NPLOC4: variants seen among roughly 807,000 people sequenced by gnomAD.
The protein encoded by NPLOC4 is nuclear protein localization protein 4 homolog.
Under a neutral mutation model 80.6 loss-of-function variants are expected in NPLOC4, and 18 were observed. The observed-to-expected ratio is 0.22, with a 90% CI of 0.15 to 0.33. The LOEUF (loss-of-function observed/expected upper bound fraction) is 0.33, where lower values mean the gene tolerates loss of function less well. Among genes scored for constraint, NPLOC4 ranks in the 10% least tolerant of loss-of-function variants. NPLOC4 has a pLI of 1.00. For synonymous variants in NPLOC4, 313 were observed against 301.5 expected, an observed-to-expected ratio of 1.04 and a Z score of -0.39; for missense variants, 540 against 786.1, an observed-to-expected ratio of 0.69 and a Z score of 3.74.
chr17:81,558,990 G>T lies in NPLOC4; in HGVS notation c.*269C>A, dbSNP rs572818092. 18 of 401,782 alleles carry T rather than the reference G, an allele frequency of 4.5e-5. No homozygotes were observed. In the Admixed American group the frequency reaches 7.3e-4, roughly 16 times the overall value. The allele number at this position is 401,782 out of a possible 1,614,324, so 24.9% of individuals were successfully genotyped here. A position where few individuals can be genotyped will look rare whatever the true frequency, so the allele number is the denominator to read the frequency against. ...GAGAGGTCTTTCCAACACGGCGGGG[G>T]ACTTGTCAACAGGATTAGGCGTGAG... On this transcript the variant is annotated 3_prime_UTR_variant, in exon 17 of 17. Transcript: ENST00000331134.
At chr17:81,619,420 A>T (rs1312059290) in intron 3 of NPLOC4, among the ~76,000 whole-genome samples, 4 of 150,350 alleles carry the variant, frequency 2.7e-5, no homozygotes, top group Non-Finnish European at 4.4e-5. Flanking sequence ...GTGGTGGCAC[A>T]TGCCTGTAAT....
At chr17:81,619,498 TGA>T (rs2035603977) in intron 3 of NPLOC4, among the ~76,000 whole-genome samples, 1 of 142,858 alleles carries the variant, frequency 7.0e-6, no homozygotes, top group Admixed American at 7.4e-5. Context: ...TGTGGTGAGC[TGA>T]GACCATGCCA....
intron 8 of NPLOC4, among the ~76,000 whole-genome samples, 191 bp downstream of exon 8, chr17:81,604,357 G>A (rs78404437): frequency 1.7e-3 from 259 of 152,124 alleles, no homozygotes; most frequent in African/African-American, 5.9e-3. Flanking sequence ...CTTATCCTTA[G>A]TAACATACAC....
chr17:81,583,739 C>A (rs2034501683), intron 12 of NPLOC4, among the ~76,000 whole-genome samples: 1 of 152,210 alleles, frequency 6.6e-6, no homozygotes, highest in Admixed American at 6.5e-5. Context: ...CTCTTACTGG[C>A]TGCATATGGG....
At chr17:81,596,283 T>G (rs749902370) in intron 10 of NPLOC4, 41 bp from the exon 11 acceptor site, 1 of 1,584,448 alleles carries the variant, frequency 6.3e-7, no homozygotes, top group Non-Finnish European at 8.6e-7. Context: ...TACAGCATCA[T>G]GCCAAAATAT....
chr17:81,584,808 C>G (rs971795616), intron 12 of NPLOC4, among the ~76,000 whole-genome samples: 3 of 152,116 alleles, frequency 2.0e-5, no homozygotes, highest in Non-Finnish European at 4.4e-5. Context: ...CTAGGAATAA[C>G]CTAACAAATG....
intron 7 of NPLOC4, among the ~76,000 whole-genome samples, chr17:81,606,232 G>A (rs1209601331): frequency 1.3e-5 from 2 of 152,164 alleles, no homozygotes; most frequent in Non-Finnish European, 2.9e-5. Flanking sequence ...TAAGGGCACA[G>A]CGGCAGGAGG....
At chr17:81,631,523 C>G (rs906729689) in intron 1 of NPLOC4, among the ~76,000 whole-genome samples, 9 of 145,460 alleles carry the variant, frequency 6.2e-5, no homozygotes, top group African/African-American at 1.0e-4. Context: ...AAGGGCATTA[C>G]TTTCTAAGAC....
intron 5 of NPLOC4, 73 bp from the exon 6 acceptor site, chr17:81,608,895 C>T (rs767219818): frequency 2.5e-6 from 3 of 1,219,238 alleles, no homozygotes; most frequent in Non-Finnish European, 3.5e-6. Context: ...CTCTGCTACG[C>T]ACAGGGGGAG....
intron 1 of NPLOC4, among the ~76,000 whole-genome samples, chr17:81,635,441 A>G (rs2036041805): frequency 6.6e-6 from 1 of 151,804 alleles, no homozygotes; most frequent in South Asian, 2.1e-4. Flanking sequence ...AGGTTGGGAA[A>G]CATGGAGGCA....
chr17:81,578,241 GCATGCTGTGCTCTCCAGGTA>G (rs1476066112), intron 12 of NPLOC4, among the ~76,000 whole-genome samples: 1 of 152,176 alleles, frequency 6.6e-6, no homozygotes, highest in Non-Finnish European at 1.5e-5. Context: ...CCCGCCGGGT[GCATGCTGTGCTCTCCAGGTA>G]CATAGCTTCA....
At position 81,636,985 on chromosome 17, in the gene NPLOC4, C is replaced by A; in HGVS notation, c.-55G>T. 8.4e-7 allele frequency: 1 copy of A among 1,183,848 alleles called. No individual in the cohort carries two copies. The highest frequency in any genetic ancestry group is 1.1e-6 in the Non-Finnish European group (1 of 940,716). The allele number at this position is 1,183,848 out of a possible 1,614,324, so 73.3% of individuals were successfully genotyped here. A position where few individuals can be genotyped will look rare whatever the true frequency, so the allele number is the denominator to read the frequency against. Reference sequence around the variant, plus strand: ...CCCGGGCCGCCGCCGCCTGCCGCCCCAAGGGCCTCGCAGACCCGGCCGCGG... The same window carrying A: ...CCCGGGCCGCCGCCGCCTGCCGCCCAAAGGGCCTCGCAGACCCGGCCGCGG... On this transcript the variant is annotated 5_prime_UTR_variant, in exon 1 of 17. Coordinates refer to ENST00000331134, the MANE Select transcript of NPLOC4 (RefSeq NM_017921.4).
chr17:81,592,039 T>C (rs1271180121), intron 11 of NPLOC4, among the ~76,000 whole-genome samples: 3 of 152,146 alleles, frequency 2.0e-5, no homozygotes, highest in Non-Finnish European at 4.4e-5. Flanking sequence ...TCTTATACTC[T>C]GAAGCCTCAT....
chr17:81,579,394 C>T (rs1040753534), intron 12 of NPLOC4, among the ~76,000 whole-genome samples: 2 of 152,080 alleles, frequency 1.3e-5, no homozygotes, highest in African/African-American at 2.4e-5. Context: ...AAATAGACTT[C>T]GAGCTGTCTG....
chr17:81,560,283 G>C (rs1371128638), intron 16 of NPLOC4, among the ~76,000 whole-genome samples: 2 of 151,998 alleles, frequency 1.3e-5, no homozygotes, highest in Admixed American at 1.3e-4. Flanking sequence ...CGTGGTGGTA[G>C]ACACCTGCCG....
intron 16 of NPLOC4, 70 bp from the exon 17 acceptor site, chr17:81,559,486 G>A (rs766562337): frequency 1.3e-5 from 19 of 1,489,776 alleles, no homozygotes; most frequent in South Asian, 3.9e-5. Context: ...TGTGGGCATG[G>A]GGGCAGGGGC....
At chr17:81,612,297 G>A (rs771834639) in intron 4 of NPLOC4, among the ~76,000 whole-genome samples, 8 of 152,124 alleles carry the variant, frequency 5.3e-5, no homozygotes, top group Non-Finnish European at 1.0e-4. Flanking sequence ...CGGAACAGAG[G>A]TGGCCTCTGT....
At chr17:81,574,385 G>C (rs1329964617) in intron 12 of NPLOC4, among the ~76,000 whole-genome samples, 2 of 152,062 alleles carry the variant, frequency 1.3e-5, no homozygotes, top group Admixed American at 1.3e-4. Context: ...TTTCCTCCCT[G>C]GGGAAACAGG....
Position 81,596,212 on chromosome 17 carries a change from T to A in NPLOC4, c.1024A>T (p.Ile342Phe). Residue 342 changes from isoleucine to phenylalanine, a missense_variant, in exon 11 of 17, where the codon ATC becomes TTC. Ile to Phe is a conservative substitution (Grantham distance 21). This residue lies in a region of NPLOC4 where 251 missense variants were observed against 377.5 expected (regional missense o/e 0.66). Transcript: ENST00000331134. The stretch of plus-strand genomic sequence containing the variant: ...TTGTTCTGGAAGTCTCCTGCAGTGA[T>A]GCACTCTTCTGAACTTAGGAAATAG... ...DTYFLSSEEC[I>F]TAGDFQNKHP... is the part of the protein sequence containing the mutation. 1 of 1,613,976 alleles carries A rather than the reference T, an allele frequency of 6.2e-7. No individual in the cohort carries two copies.
Sources: allele counts gnomAD v4.1 joint callset (sites outside exome capture counted in the v4.1 genomes callset), GRCh38; gene constraint gnomAD v4.1.1; regional missense constraint gnomAD v4.1.1; transcripts MANE v1.5; gene names NCBI Gene and HGNC (gene_info 2026-07-23, HGNC 2026-07-21).